The following CCDC171 variants were observed in gnomAD, a reference collection of about 807,000 sequenced individuals.
The protein encoded by CCDC171 is coiled-coil domain-containing protein 171.
In CCDC171, 177 loss-of-function variants were observed where a neutral mutation model predicts 168.2. The observed-to-expected ratio is 1.05, with a 90% CI of 0.93 to 1.19. The LOEUF (loss-of-function observed/expected upper bound fraction) is 1.19, where lower values mean the gene tolerates loss of function less well. Ranked by LOEUF, CCDC171 falls within the 50% of genes most tolerant of loss-of-function variation. The pLI is 0.00. For missense variants in CCDC171, 1,991 were observed against 1,539.0 expected (o/e 1.29, Z -4.91); for synonymous variants, 687 against 540.8 (o/e 1.27, Z -3.75).
intron 16 of CCDC171, among the ~76,000 whole-genome samples, chr9:15,730,297 T>C (rs903662383): frequency 1.1e-4 from 17 of 149,918 alleles, no homozygotes; most frequent in African/African-American, 4.0e-4. Context: ...GTAGGCCATG[T>C]AGCAAAAGTA....
chr9:16,053,064 T>C (rs1402197964), intron 1 of CCDC171, among the ~76,000 whole-genome samples: 1 of 152,206 alleles, frequency 6.6e-6, no homozygotes, highest in African/African-American at 2.4e-5. Flanking sequence ...CCATGTCTCA[T>C]ATCCACAGGA....
intron 16 of CCDC171, among the ~76,000 whole-genome samples, chr9:15,738,092 A>T (rs1413205869): frequency 6.6e-6 from 1 of 152,226 alleles, no homozygotes; most frequent in Non-Finnish European, 1.5e-5. Context: ...TGATGTCTAT[A>T]TGCCATTGAA....
At chr9:16,101,351 T>A in the CCDC171 span, among the ~76,000 whole-genome samples, 1 of 152,200 alleles carries the variant, frequency 6.6e-6, no homozygotes, top group Non-Finnish European at 1.5e-5. Context: ...TTATCTGAAT[T>A]TCAAATTTAA....
chr9:15,716,812 C>A (rs926494729), intron 11 of CCDC171, among the ~76,000 whole-genome samples: 1 of 152,106 alleles, frequency 6.6e-6, no homozygotes, highest in Non-Finnish European at 1.5e-5. Context: ...GAGAGTAAAG[C>A]CCTCATAACC....
intron 6 of CCDC171, among the ~76,000 whole-genome samples, chr9:15,603,396 C>G (rs924733661): frequency 1.3e-5 from 2 of 152,146 alleles, no homozygotes; most frequent in African/African-American, 4.8e-5. Flanking sequence ...TTCTAATGCT[C>G]TCCCTCCCTT....
At position 15,841,835 on chromosome 9, in the gene CCDC171, A is replaced by G. The variant is rs535272062; in HGVS notation, c.3268-4867A>G. Among the ~76,000 whole-genome samples the G allele has an allele frequency of 4.6e-5, 7 of 151,982 alleles. No homozygotes were observed. In the South Asian group the frequency reaches 1.2e-3, roughly 27 times the overall value. On this transcript the variant is annotated intron_variant, in intron 21 of 25. Coordinates refer to ENST00000380701, the MANE Select transcript of CCDC171 (RefSeq NM_173550.4). ...GCCCTATTGTAAATTTGGTTGTTGTATCATTTTATGTTTATAGTTTCTGTG... is the reference window on the plus strand; with the variant it reads ...GCCCTATTGTAAATTTGGTTGTTGTGTCATTTTATGTTTATAGTTTCTGTG...
chr9:15,804,242 G>A (rs563206219), intron 21 of CCDC171, among the ~76,000 whole-genome samples: 2 of 152,054 alleles, frequency 1.3e-5, no homozygotes, highest in East Asian at 3.9e-4. Context: ...TTGCCTGATT[G>A]CCCTGGCCAG....
At chr9:15,666,851 C>A (rs936962154) in intron 9 of CCDC171, among the ~76,000 whole-genome samples, 4 of 152,154 alleles carry the variant, frequency 2.6e-5, no homozygotes, top group African/African-American at 9.7e-5. Flanking sequence ...TAATATTTGA[C>A]ATTTTCTCAA....
At chr9:15,626,033 C>T (rs2045066277) in intron 7 of CCDC171, among the ~76,000 whole-genome samples, 2 of 152,168 alleles carry the variant, frequency 1.3e-5, no homozygotes, top group Non-Finnish European at 2.9e-5. Context: ...AGGTCCTTCA[C>T]ATCCCTTGTA....
chr9:15,671,562 T>C (rs578107425), intron 9 of CCDC171, among the ~76,000 whole-genome samples: 7 of 134,140 alleles, frequency 5.2e-5, no homozygotes, highest in African/African-American at 1.9e-4. Flanking sequence ...CCTGTGTACA[T>C]GTGTTGTCAT....
At chr9:16,032,008 C>T (rs1833371630) in intron 6 of CCDC171, among the ~76,000 whole-genome samples, 2 of 152,152 alleles carry the variant, frequency 1.3e-5, no homozygotes, top group African/African-American at 2.4e-5. Context: ...TGGTGCCAAA[C>T]GGGCCCTGAG....
chr9:15,977,209 G>A (rs1294214342), downstream of CCDC171, among the ~76,000 whole-genome samples: 5 of 152,080 alleles, frequency 3.3e-5, no homozygotes, highest in Admixed American at 6.6e-5. Context: ...TTATGGATGC[G>A]TACATATTTT....
chr9:15,553,114 T>G lies in CCDC171; in HGVS notation c.-300T>G, dbSNP rs1332683446. 1.3e-5 allele frequency: 2 copies of G among 152,508 alleles called. No homozygotes were observed. Among genetic ancestry groups the G allele is most frequent in the Non-Finnish European group, 2.9e-5 (2 of 68,310 alleles). The allele number at this position is 152,508 out of a possible 1,614,324, so 9.4% of individuals were successfully genotyped here. ...GGAAGTGGCAGTTGTAAACTTCACC[T>G]CCCGGGGGCTCTTCCCCTTCTGTAC... On this transcript the variant is annotated 5_prime_UTR_variant, in exon 1 of 26. Transcript: ENST00000380701.
chr9:16,027,586 G>A (rs1833298344), intron 6 of CCDC171, among the ~76,000 whole-genome samples: 1 of 152,244 alleles, frequency 6.6e-6, no homozygotes, highest in Non-Finnish European at 1.5e-5. Flanking sequence ...TGTGTATGAA[G>A]TCAGGTTTGA....
rs762603448 is a variant in CCDC171 at position 15,999,319 on chromosome 9, AAAG to A, written n.369-21267_369-21265del. 1.1e-4 allele frequency among the ~76,000 whole-genome samples: 17 copies of A among 150,492 alleles called. No homozygotes were observed. The East Asian group carries it at 1.6e-3, about 14-fold the overall frequency. On this transcript the variant is annotated intron_variant and non_coding_transcript_variant, in intron 3 of 9. Coordinates refer to the CCDC171 transcript ENST00000486641. ...GGAAGGAAGGAAGGAAAAAGAAAGA[AAAG>A]AAAAGAAGGAGGGAGGAAGGAAGGA...
the CCDC171 span, among the ~76,000 whole-genome samples, chr9:16,087,358 G>A: frequency 2.6e-5 from 4 of 151,994 alleles, no homozygotes; most frequent in East Asian, 1.9e-4. Flanking sequence ...TTATTGTGTG[G>A]GAGGCTAAGT....
chr9:15,763,529 G>C (rs2056563535), intron 18 of CCDC171, among the ~76,000 whole-genome samples: 1 of 152,184 alleles, frequency 6.6e-6, no homozygotes, highest in African/African-American at 2.4e-5. Context: ...ACTATCAGGT[G>C]TGGTCTGGGG....
chr9:15,958,388 A>T (rs1158810221), intron 25 of CCDC171, among the ~76,000 whole-genome samples: 1 of 151,998 alleles, frequency 6.6e-6, no homozygotes, highest in South Asian at 2.1e-4. Context: ...ATTAAATTTT[A>T]ACTAATGTAA....
chr9:15,642,811 C>T (rs4581149), intron 7 of CCDC171, among the ~76,000 whole-genome samples: 29 of 152,080 alleles, frequency 1.9e-4, no homozygotes, highest in African/African-American at 7.0e-4. Flanking sequence ...GTGTTTTGCT[C>T]TAAGCAGGAA....
Sources: gnomAD v4.1 joint callset for allele counts (sites outside exome capture counted in the v4.1 genomes callset) on GRCh38, gnomAD v4.1.1 for gene constraint, MANE v1.5 for transcripts, NCBI Gene and HGNC (gene_info 2026-07-23, HGNC 2026-07-21) for gene names.